ZNF729: variants seen among roughly 807,000 people sequenced by gnomAD.
ZNF729 encodes the protein zinc finger protein 729.
In ZNF729, 15 loss-of-function variants were observed where a neutral mutation model predicts 12.2. The ratio of observed to expected loss-of-function variants is 1.23; its 90% CI spans 0.82 to 1.89. ZNF729 has a LOEUF of 1.89. Among genes scored for constraint, ZNF729 ranks in the 40% most tolerant of loss-of-function variants. ZNF729 has a pLI of 0.00. For synonymous variants in ZNF729, 492 were observed against 476.3 expected (o/e 1.03, Z -0.43); for missense variants, 1,540 against 1,456.7 (o/e 1.06, Z -0.93).
At chr19:22,289,474 C>G (rs547937489) in intron 1 of ZNF729, among the ~76,000 whole-genome samples, 1 of 152,240 alleles carries the variant, frequency 6.6e-6, no homozygotes, top group Admixed American at 6.5e-5. Context: ...ATCCACCCGC[C>G]TCAGCCTCCC....
intron 3 of ZNF729, among the ~76,000 whole-genome samples, chr19:22,307,800 G>GTTTTTTTTTTTTTT: frequency 1.9e-5 from 1 of 53,334 alleles, no homozygotes; most frequent in Non-Finnish European, 3.7e-5. Flanking sequence ...AAAGCTCTGT[G>GTTTTTTTTTTTTTT]TTTTTTTTTT....
chr19:22,287,969 C>G (rs1339360030), intron 1 of ZNF729, among the ~76,000 whole-genome samples: 1 of 151,928 alleles, frequency 6.6e-6, no homozygotes, highest in South Asian at 2.1e-4. Flanking sequence ...CCTCAACCTC[C>G]TGAGTAGCTG....
At chr19:22,302,306 T>C (rs544457588) in intron 1 of ZNF729, among the ~76,000 whole-genome samples, 1 of 152,312 alleles carries the variant, frequency 6.6e-6, no homozygotes, top group Non-Finnish European at 1.5e-5. Context: ...CAGGAACTTA[T>C]AGTCTAGACT....
At chr19:22,303,928 G>A in intron 2 of ZNF729, 44 bp downstream of exon 2, 1 of 1,493,018 alleles carries the variant, frequency 6.7e-7, no homozygotes. Context: ...TATTCTATAG[G>A]TTTAATTTCT....
In ZNF729 at chr19:22,317,031, G is replaced by A. The variant is rs976363846; in HGVS notation, c.3614G>A (p.Arg1205Lys). 3.1e-6 allele frequency: 5 copies of A among 1,608,280 alleles called. No individual in the cohort carries two copies. The African/African-American group carries it at 4.1e-5, about 13-fold the overall frequency. Residue 1205 changes from arginine (R) to lysine (K), a missense_variant, in exon 4 of 4, where the codon AGA becomes AAA. By Grantham distance (26) the Arg-to-Lys change is conservative. Coordinates refer to ENST00000601693, the MANE Select transcript of ZNF729 (RefSeq NM_001242680.2). ...KAFIQCSYLI[R>K]HKTIHTREKP... ...TTTATTCAGTGCTCATACCTTATTA[G>A]ACATAAAACAATTCATACCAGAGAG...
At chr19:22,295,469 C>T (rs1288962837) in intron 1 of ZNF729, among the ~76,000 whole-genome samples, 2 of 151,048 alleles carry the variant, frequency 1.3e-5, no homozygotes, top group Non-Finnish European at 2.9e-5. Context: ...CCGCTCACTG[C>T]AAGCTCCGCC....
chr19:22,308,995 A>C (rs544647156), intron 3 of ZNF729, among the ~76,000 whole-genome samples: 6 of 152,220 alleles, frequency 3.9e-5, no homozygotes, highest in Non-Finnish European at 8.8e-5. Flanking sequence ...AATGTCTGAA[A>C]GGGTTTTTCC....
intron 1 of ZNF729, among the ~76,000 whole-genome samples, chr19:22,289,298 T>G (rs976953815): frequency 3.3e-5 from 5 of 151,006 alleles, no homozygotes; most frequent in Non-Finnish European, 7.4e-5. Flanking sequence ...CAATCTCTGC[T>G]CACTGCAACC....
chr19:22,307,074 ATG>A (rs767844580), intron 3 of ZNF729, among the ~76,000 whole-genome samples: 1 of 151,576 alleles, frequency 6.6e-6, no homozygotes, highest in Non-Finnish European at 1.5e-5. Context: ...TTTTTTCTAT[ATG>A]TGTCTGTATA....
chr19:22,307,725 A>G (rs956429722), intron 3 of ZNF729, among the ~76,000 whole-genome samples: 1 of 149,846 alleles, frequency 6.7e-6, no homozygotes, highest in Non-Finnish European at 1.5e-5. Context: ...CCTGGGCAAC[A>G]AGAGCAAAAC....
Position 22,316,904 on chromosome 19 carries a change from G to C in ZNF729, c.3487G>C (p.Glu1163Gln). Residue 1163 changes from glutamate to glutamine, a missense_variant, in exon 4 of 4, where the codon GAA becomes CAA. Coordinates refer to ENST00000601693, the MANE Select transcript of ZNF729 (RefSeq NM_001242680.2). ...IHSVEKPYKC[E>Q]ECGKAFNQSS... ...TTCTGTAGAGAAACCCTACAAATGT[G>C]AAGAATGTGGCAAAGCCTTTAACCA... 6.2e-7 allele frequency: 1 copy of C among 1,612,946 alleles called. No homozygotes were observed. Among genetic ancestry groups the C allele is most frequent in the Middle Eastern group, 1.7e-4 (1 of 6,056 alleles).
intron 1 of ZNF729, among the ~76,000 whole-genome samples, chr19:22,297,533 CT>C (rs947239495): frequency 6.6e-6 from 1 of 151,660 alleles, no homozygotes; most frequent in Non-Finnish European, 1.5e-5. Context: ...TTTTTCTCTA[CT>C]TTTTTGAAAT....
rs1176551586 is a variant in ZNF729, at chr19:22,315,800, C to A, written c.2383C>A (p.Pro795Thr). The part of the protein sequence containing the change: ...KHKVIHTGEK[P>T]YKCEECGKAF... ...TAAGGTAATTCATACTGGAGAGAAACCCTACAAGTGTGAAGAATGTGGTAA... is the reference window on the plus strand; with the variant it reads ...TAAGGTAATTCATACTGGAGAGAAAACCTACAAGTGTGAAGAATGTGGTAA... Residue 795 changes from proline to threonine, a missense_variant, in exon 4 of 4, where the codon CCC becomes ACC. Physicochemically the swap from Pro to Thr is conservative, Grantham distance 38 (BLOSUM62 -1). Transcript: ENST00000601693. 1 of 1,610,586 alleles carries A rather than the reference C, an allele frequency of 6.2e-7. No individual in the cohort carries two copies. The highest frequency in any genetic ancestry group is 2.2e-5 in the East Asian group (1 of 44,832).
chr19:22,299,752 G>A (rs1363870484), intron 1 of ZNF729: 1 of 152,160 alleles, frequency 6.6e-6, no homozygotes, highest in Non-Finnish European at 1.5e-5. Flanking sequence ...ATGTCACATT[G>A]TAAATAAAAA....
rs751064867 is a variant in ZNF729 at position 22,316,062 on chromosome 19, G to T, written c.2645G>T (p.Cys882Phe). 1 of 1,610,378 alleles carries T rather than the reference G, an allele frequency of 6.2e-7. No individual in the cohort carries two copies. The highest frequency in any genetic ancestry group is 1.3e-5 in the African/African-American group (1 of 74,928). ...CATAGTGGAGAGAAACCATACAAAT[G>T]TGAAGAATGTGGTAAAGCTTTTAAG... is the stretch of plus-strand genomic sequence containing the variant. ...IIHSGEKPYK[C>F]EECGKAFKWL... Residue 882 changes from cysteine (C) to phenylalanine (F), a missense_variant, in exon 4 of 4, where the codon TGT becomes TTT. Coordinates refer to ENST00000601693, the MANE Select transcript of ZNF729 (RefSeq NM_001242680.2).
At chr19:22,302,172 C>T (rs1196902224) in intron 1 of ZNF729, among the ~76,000 whole-genome samples, 1 of 152,308 alleles carries the variant, frequency 6.6e-6, no homozygotes, top group Non-Finnish European at 1.5e-5. Flanking sequence ...AAGAGTTTCT[C>T]CAGTTTCTTG....
chr19:22,298,208 TGA>T (rs1968257469), intron 1 of ZNF729, among the ~76,000 whole-genome samples: 1 of 152,068 alleles, frequency 6.6e-6, no homozygotes, highest in South Asian at 2.1e-4. Flanking sequence ...TTCAGTAGTA[TGA>T]ATATAAGGCC....
At chr19:22,292,018 C>T (rs956965909) in intron 1 of ZNF729, among the ~76,000 whole-genome samples, 2 of 152,212 alleles carry the variant, frequency 1.3e-5, no homozygotes, top group Admixed American at 6.5e-5. Context: ...AGGCGTGAGC[C>T]ACTGTGCCCA....
At chr19:22,298,648 G>A (rs988219629) in intron 1 of ZNF729, among the ~76,000 whole-genome samples, 1 of 152,020 alleles carries the variant, frequency 6.6e-6, no homozygotes, top group Non-Finnish European at 1.5e-5. Flanking sequence ...CTAGTAGCTG[G>A]GATTACAGAC....
Sources: allele counts gnomAD v4.1 joint callset (sites outside exome capture counted in the v4.1 genomes callset), GRCh38; gene constraint gnomAD v4.1.1; transcripts MANE v1.5; gene names NCBI Gene and HGNC (gene_info 2026-07-23, HGNC 2026-07-21).